Variants in HTR2C observed in about 807,000 individuals in gnomAD.
The protein encoded by HTR2C is 5-hydroxytryptamine (serotonin) receptor 2C, G protein-coupled.
Under a neutral mutation model 21.0 loss-of-function variants are expected in HTR2C, and 5 were observed. The observed-to-expected ratio is 0.24, with a 90% CI of 0.12 to 0.50. The LOEUF is 0.50. Among genes scored for constraint, HTR2C ranks in the 20% least tolerant of loss-of-function variants. The probability of loss-of-function intolerance (pLI) is 0.98; values close to 1 mark genes in which losing one functional copy is unlikely to be tolerated. For synonymous variants in HTR2C, 150 were observed against 145.3 expected (o/e 1.03, Z -0.23); for missense variants, 271 against 371.2 (o/e 0.73, Z 2.22).
intron 2 of HTR2C, among the ~76,000 whole-genome samples, chrX:114,638,523 T>TTTATTTATTTATTTATTTATTA (rs2147823140): frequency 3.9e-5 from 1 of 25,948 alleles, no homozygotes; most frequent in South Asian, 2.1e-3. Context: ...TTATTTATTA[T>TTTATTTATTTATTTATTTATTA]TTTTTTCTTT....
chrX:114,796,606 T>A (rs2070295866), intron 4 of HTR2C, among the ~76,000 whole-genome samples: 1 of 111,841 alleles, frequency 8.9e-6, no homozygotes, highest in African/African-American at 3.2e-5. Context: ...TAGTTATGAA[T>A]AGCAGGCACC....
At chrX:114,878,206 A>G (rs1393005439) in intron 5 of HTR2C, among the ~76,000 whole-genome samples, 3 of 110,720 alleles carry the variant, frequency 2.7e-5, no homozygotes, top group Non-Finnish European at 5.7e-5. Flanking sequence ...ATCATTTTAT[A>G]ATAATCTTCT....
At chrX:114,668,461 T>G (rs1931253329) in intron 2 of HTR2C, among the ~76,000 whole-genome samples, 1 of 111,793 alleles carries the variant, frequency 8.9e-6, no homozygotes, top group Admixed American at 9.6e-5. Context: ...CTCTTAGAGA[T>G]GCTGTGAGGG....
chrX:114,719,618 C>T (rs1933118632), intron 2 of HTR2C, among the ~76,000 whole-genome samples: 1 of 111,461 alleles, frequency 9.0e-6, no homozygotes, highest in South Asian at 3.7e-4. Context: ...ATTTTGCCTA[C>T]AAGTCATTTT....
chrX:114,803,102 G>A (rs1423207900), intron 4 of HTR2C, among the ~76,000 whole-genome samples: 2 of 93,340 alleles, frequency 2.1e-5, no homozygotes, highest in African/African-American at 3.9e-5. Flanking sequence ...TGGCGTATAT[G>A]TGCCACATTT....
chrX:114,868,186 C>T (rs1401537290), intron 5 of HTR2C, among the ~76,000 whole-genome samples: 3 of 109,935 alleles, frequency 2.7e-5, no homozygotes, highest in Non-Finnish European at 5.7e-5. Flanking sequence ...TTTTTTTCTT[C>T]AGTGTTTTAT....
intron 2 of HTR2C, among the ~76,000 whole-genome samples, chrX:114,725,469 C>T (rs1393278464): frequency 1.8e-5 from 2 of 111,344 alleles, no homozygotes; most frequent in African/African-American, 6.5e-5. Flanking sequence ...GAATTTCCTC[C>T]CGTAGCTCAG....
At chrX:114,827,761 A>G (rs1281130327) in intron 4 of HTR2C, among the ~76,000 whole-genome samples, 2 of 111,499 alleles carry the variant, frequency 1.8e-5, no homozygotes, top group Admixed American at 1.9e-4. Flanking sequence ...TCCACTGGAT[A>G]TGGAATTTTG....
At chrX:114,677,846 A>C (rs1156783880) in intron 2 of HTR2C, among the ~76,000 whole-genome samples, 1 of 111,225 alleles carries the variant, frequency 9.0e-6, no homozygotes, top group Non-Finnish European at 1.9e-5. Flanking sequence ...AAAAGGAAAT[A>C]TTACTGTGTC....
chrX:114,741,580 A>C (rs1206017777), intron 4 of HTR2C, among the ~76,000 whole-genome samples: 1 of 79,252 alleles, frequency 1.3e-5, no homozygotes, highest in African/African-American at 4.2e-5. Flanking sequence ...TCAGCTGAAA[A>C]GTAAGGAAGT....
intron 1 of HTR2C, among the ~76,000 whole-genome samples, chrX:114,599,706 G>T (rs968007998): frequency 8.9e-6 from 1 of 112,127 alleles, no homozygotes. Flanking sequence ...TCATTTGCAT[G>T]TGTGCCTTGC....
chrX:114,689,660 C>T (rs142199562), intron 2 of HTR2C, among the ~76,000 whole-genome samples: 2,105 of 110,762 alleles, frequency 0.019, 60 homozygotes, highest in African/African-American at 0.066. Context: ...TGTGTGACTT[C>T]AAAGACAGCA....
At chrX:114,689,475 C>T (rs781912071) in intron 2 of HTR2C, among the ~76,000 whole-genome samples, 2 of 110,138 alleles carry the variant, frequency 1.8e-5, no homozygotes, top group Non-Finnish European at 3.8e-5. Context: ...CTTCCACTGA[C>T]AGTGTAAAAG....
At chrX:114,726,444 T>C (rs1366608387) in intron 2 of HTR2C, among the ~76,000 whole-genome samples, 1 of 112,184 alleles carries the variant, frequency 8.9e-6, no homozygotes, top group African/African-American at 3.2e-5. Context: ...GAAGCCGGTA[T>C]CTCAGGTGGA....
intron 4 of HTR2C, among the ~76,000 whole-genome samples, chrX:114,781,241 T>C (rs781865036): frequency 9.1e-4 from 101 of 111,232 alleles, no homozygotes; most frequent in Non-Finnish European, 1.7e-3. Context: ...ATTCTCAGCA[T>C]GTTGGAAGGC....
intron 4 of HTR2C, among the ~76,000 whole-genome samples, chrX:114,755,239 T>TA (rs58933362): frequency 0.036 from 2,722 of 76,339 alleles, 107 homozygotes; most frequent in African/African-American, 0.11. Flanking sequence ...AGACTTCATC[T>TA]AAAAAAAAAA....
In HTR2C at chrX:114,863,366, G is replaced by A. The variant is rs782237864; in HGVS notation, c.550+15163G>A. 5.0e-4 allele frequency among the ~76,000 whole-genome samples: 56 copies of A among 111,321 alleles called. 1 individual carries two copies. Among genetic ancestry groups the A allele is most frequent in the African/African-American group, 1.7e-3 (53 of 30,779 alleles). The stretch of plus-strand genomic sequence containing the variant: ...GTGTTTCTATTGTTGTTTGACTCAA[G>A]ATATTTTTTAGTTTCCCTTTTGACC... On this transcript the variant is annotated intron_variant, in intron 5 of 5. Coordinates refer to ENST00000276198, the MANE Select transcript of HTR2C (RefSeq NM_000868.4).
chrX:114,854,901 TG>T (rs1476267213), intron 5 of HTR2C, among the ~76,000 whole-genome samples: 1 of 111,557 alleles, frequency 9.0e-6, no homozygotes, highest in Non-Finnish European at 1.9e-5. Context: ...CATTAAAAAC[TG>T]GGGAACAGAC....
intron 5 of HTR2C, among the ~76,000 whole-genome samples, chrX:114,858,089 A>G (rs1304537439): frequency 9.0e-6 from 1 of 111,078 alleles, no homozygotes; most frequent in Admixed American, 9.6e-5. Context: ...TAGTATTACA[A>G]TGTCCTAATT....
Sources: allele counts gnomAD v4.1 joint callset (sites outside exome capture counted in the v4.1 genomes callset), GRCh38; gene constraint gnomAD v4.1.1; transcripts MANE v1.5; gene names NCBI Gene and HGNC (gene_info 2026-07-23, HGNC 2026-07-21).